The following TRPM3 variants were observed in gnomAD, a reference collection of about 807,000 sequenced individuals.
TRPM3 encodes long transient receptor potential channel 3.
TRPM3 carries 77 observed loss-of-function variants against 181.2 expected under a neutral mutation model. That is an observed-to-expected ratio of 0.42 (90% confidence interval 0.35 to 0.51). The LOEUF is 0.51. Ranked by LOEUF, TRPM3 falls within the 20% of genes least tolerant of loss-of-function variation. TRPM3 has a pLI of 0.01. For missense variants in TRPM3, 1,759 were observed against 2,196.7 expected (o/e 0.80, Z 3.98); for synonymous variants, 745 against 796.4 (o/e 0.94, Z 1.09).
chr9:71,196,577 T>G (rs10780995), intron 1 of TRPM3, among the ~76,000 whole-genome samples: 64,825 of 151,410 alleles, frequency 0.43, 14,220 homozygotes, highest in East Asian at 0.52. Flanking sequence ...GACCTGTTCT[T>G]CTTCTCTCCC....
intron 1 of TRPM3, among the ~76,000 whole-genome samples, chr9:71,049,553 G>C: frequency 6.6e-6 from 1 of 152,132 alleles, no homozygotes; most frequent in East Asian, 1.9e-4. Context: ...GAGGAAAGGG[G>C]GAAAAGGGTG....
intron 6 of TRPM3, among the ~76,000 whole-genome samples, chr9:70,795,866 G>A (rs1015910036): frequency 1.3e-5 from 2 of 152,194 alleles, no homozygotes; most frequent in Non-Finnish European, 2.9e-5. Flanking sequence ...GGACATCCAA[G>A]CAGCATTCCT....
At chr9:71,290,347 A>T (rs1008645107) in intron 1 of TRPM3, among the ~76,000 whole-genome samples, 14 of 152,146 alleles carry the variant, frequency 9.2e-5, no homozygotes, top group African/African-American at 3.4e-4. Context: ...TTGGCAAAAA[A>T]GAGACCTACA....
intron 8 of TRPM3, among the ~76,000 whole-genome samples, chr9:70,760,499 C>T (rs954963687): frequency 2.7e-5 from 4 of 150,106 alleles, no homozygotes; most frequent in African/African-American, 9.8e-5. Context: ...GTGCCCCACC[C>T]GCTCGCTGGC....
intron 1 of TRPM3, among the ~76,000 whole-genome samples, chr9:71,215,044 A>AG (rs1565349622): frequency 7.0e-5 from 5 of 71,134 alleles, no homozygotes; most frequent in African/African-American, 8.2e-5. Context: ...AAAAAAAAAA[A>AG]AACAAAAAAA....
At chr9:71,412,635 T>A (rs528116196) in intron 1 of TRPM3, among the ~76,000 whole-genome samples, 231 of 152,216 alleles carry the variant, frequency 1.5e-3, no homozygotes, top group African/African-American at 5.4e-3. Context: ...TAGGAACACT[T>A]TTACACTGTT....
At chr9:71,305,564 T>C (rs1423520532) in intron 1 of TRPM3, among the ~76,000 whole-genome samples, 3 of 152,202 alleles carry the variant, frequency 2.0e-5, no homozygotes, top group Non-Finnish European at 1.5e-5. Context: ...GAGTTACAAG[T>C]GGCTCAAGTG....
chr9:70,853,236 A>G (rs768718789), intron 3 of TRPM3, among the ~76,000 whole-genome samples: 1 of 152,234 alleles, frequency 6.6e-6, no homozygotes, highest in African/African-American at 2.4e-5. Context: ...TATCAGAGCT[A>G]GTTATTCAAC....
At chr9:71,085,663 T>G (rs1470121705) in intron 1 of TRPM3, among the ~76,000 whole-genome samples, 2 of 152,012 alleles carry the variant, frequency 1.3e-5, no homozygotes, top group African/African-American at 4.8e-5. Context: ...CTCACACCCG[T>G]CAGAATGGCT....
chr9:70,618,587 A>G (rs78835690), intron 17 of TRPM3, among the ~76,000 whole-genome samples: 13,590 of 152,232 alleles, frequency 0.089, 712 homozygotes, highest in East Asian at 0.25. Flanking sequence ...CCCCTGCAGT[A>G]CCTGTGCGTG....
chr9:71,302,561 C>A (rs967338223), intron 1 of TRPM3, among the ~76,000 whole-genome samples: 1 of 152,030 alleles, frequency 6.6e-6, no homozygotes, highest in Non-Finnish European at 1.5e-5. Flanking sequence ...TTGGTTCAAG[C>A]GAAAGGTAGA....
At chr9:70,579,212 A>C (rs1400628619) in intron 22 of TRPM3, 1 of 152,206 alleles carries the variant, frequency 6.6e-6, no homozygotes, top group Non-Finnish European at 1.5e-5. Flanking sequence ...GTTGCTATTC[A>C]CAGGCGTGAT....
In TRPM3 at chr9:70,530,087, G is replaced by C. The variant is rs2040679413; in HGVS notation, c.*5866C>G. On this transcript the variant is annotated 3_prime_UTR_variant, in exon 26 of 26. Coordinates refer to ENST00000677713, the MANE Select transcript of TRPM3 (RefSeq NM_001366145.2). ...ATTTAGAGAGGCAAAAATTGGACGA[G>C]GTCAATGTGAACACCAGCCGGGGTA... The C allele has an allele frequency of 6.6e-6, 1 of 152,238 alleles. No individual in the cohort carries two copies. The highest frequency in any genetic ancestry group is 2.4e-5 in the African/African-American group (1 of 41,434). 9.4% of individuals were successfully genotyped at this position (152,238 alleles called of 1,614,324 possible).
chr9:71,294,188 T>C (rs750330007), intron 1 of TRPM3, among the ~76,000 whole-genome samples: 42 of 151,964 alleles, frequency 2.8e-4, no homozygotes, highest in Non-Finnish European at 5.3e-4. Context: ...AGAGGAACCA[T>C]GAAATGATAA....
At chr9:71,113,465 G>T (rs1156581977) in intron 1 of TRPM3, among the ~76,000 whole-genome samples, 4 of 152,158 alleles carry the variant, frequency 2.6e-5, no homozygotes, top group African/African-American at 9.7e-5. Flanking sequence ...ATGGCCACTT[G>T]ATTAGGGCAG....
At chr9:70,690,731 T>C (rs1278022814) in intron 8 of TRPM3, among the ~76,000 whole-genome samples, 1 of 152,088 alleles carries the variant, frequency 6.6e-6, no homozygotes, top group Non-Finnish European at 1.5e-5. Flanking sequence ...TTCATCAAGA[T>C]ACGAAATGAT....
In TRPM3 at chr9:70,570,663, T is replaced by C. The variant is rs139332414; in HGVS notation, c.3224-17353A>G. ...TGGTGAGCAATATTCACTATTTTTT[T>C]CTCTCTATCTGAAAGGACCTTGGTG... On this transcript the variant is annotated intron_variant, in intron 22 of 25. Coordinates refer to ENST00000677713, the MANE Select transcript of TRPM3 (RefSeq NM_001366145.2). Among the ~76,000 whole-genome samples, 471 of 152,306 alleles carry C rather than the reference T, an allele frequency of 3.1e-3. 1 individual carries two copies. The highest frequency in any genetic ancestry group is 4.0e-3 in the Non-Finnish European group (274 of 68,024).
intron 1 of TRPM3, among the ~76,000 whole-genome samples, chr9:71,158,570 C>G (rs987139732): frequency 6.6e-6 from 1 of 152,078 alleles, no homozygotes; most frequent in Non-Finnish European, 1.5e-5. Context: ...ATCGAATAAG[C>G]AGTGCACTTG....
intron 1 of TRPM3, among the ~76,000 whole-genome samples, chr9:71,430,443 CTAAT>C (rs1383059972): frequency 6.6e-6 from 1 of 152,100 alleles, no homozygotes. Flanking sequence ...GCAACATGTC[CTAAT>C]TAGATTTTAA....
Sources: allele counts gnomAD v4.1 joint callset (sites outside exome capture counted in the v4.1 genomes callset), GRCh38; gene constraint gnomAD v4.1.1; transcripts MANE v1.5; gene names NCBI Gene and HGNC (gene_info 2026-07-23, HGNC 2026-07-21).